Variants in DNM2 observed in about 807,000 individuals in gnomAD.
DNM2 encodes dynamin-2.
A neutral mutation model predicts 99.0 loss-of-function variants in DNM2; 15 were observed. The ratio of observed to expected loss-of-function variants is 0.15; its 90% CI spans 0.10 to 0.23. DNM2 has a LOEUF of 0.23. Ranked by LOEUF, DNM2 falls within the 10% of genes least tolerant of loss-of-function variation. The pLI is 1.00. For synonymous variants in DNM2, 525 were observed against 481.2 expected (o/e 1.09, Z -1.19); for missense variants, 742 against 1,189.4 (o/e 0.62, Z 5.53).
chr19:10,757,881 T>G (rs56177794), intron 1 of DNM2, among the ~76,000 whole-genome samples: 8,084 of 145,874 alleles, frequency 0.055, 369 homozygotes, highest in African/African-American at 0.12. Context: ...AGGCAGAGGT[T>G]GCAGTGAGTT....
intron 15 of DNM2, among the ~76,000 whole-genome samples, chr19:10,819,758 G>T (rs1190905111): frequency 1.3e-5 from 2 of 152,170 alleles, no homozygotes; most frequent in Non-Finnish European, 2.9e-5. Context: ...GAAGGCCCTG[G>T]GGTAGGAACC....
chr19:10,806,001 C>A (rs781582543), intron 13 of DNM2, 34 bp downstream of exon 13: 1 of 1,613,642 alleles, frequency 6.2e-7, no homozygotes, highest in Non-Finnish European at 8.5e-7. Flanking sequence ...CCGCTCTACC[C>A]TGGGGGCGGG....
At position 10,777,115 on chromosome 19, in the gene DNM2, C is replaced by A. The variant is rs775121861; in HGVS notation, c.590-3C>A. 2 of 1,614,052 alleles carry A rather than the reference C, an allele frequency of 1.2e-6. No homozygotes were observed. The highest frequency in any genetic ancestry group is 2.2e-5 in the South Asian group (2 of 91,084). On this transcript the variant is annotated splice_polypyrimidine_tract_variant and splice_region_variant and intron_variant, in intron 4 of 20. Coordinates refer to ENST00000389253, the MANE Select transcript of DNM2 (RefSeq NM_001005361.3). ...CTGACCTCTGACCTCTGGGCTCTTT[C>A]AGGCCTACGGACCATCGGTGTCATC...
At chr19:10,735,152 T>C (rs1165464749) in intron 1 of DNM2, among the ~76,000 whole-genome samples, 2 of 152,204 alleles carry the variant, frequency 1.3e-5, no homozygotes, top group Non-Finnish European at 2.9e-5. Flanking sequence ...CACGCCATTC[T>C]CCTGCCTCAG....
Position 10,787,979 on chromosome 19 carries a change from C to T in DNM2, c.992+1273C>T, listed in dbSNP as rs544806881. On this transcript the variant is annotated intron_variant, in intron 7 of 20. Coordinates refer to ENST00000389253, the MANE Select transcript of DNM2 (RefSeq NM_001005361.3). The stretch of plus-strand genomic sequence containing the variant: ...AGGGGTGGTGGCTTACGCCTGTAAT[C>T]CCAACATTTTGGGAGGCCGAGGCGG... Among the ~76,000 whole-genome samples, 25 of 152,076 alleles carry T rather than the reference C, an allele frequency of 1.6e-4. No homozygotes were observed. In the South Asian group the frequency reaches 5.2e-3, roughly 32 times the overall value.
intron 6 of DNM2, among the ~76,000 whole-genome samples, chr19:10,785,416 G>GC: frequency 6.6e-6 from 1 of 151,934 alleles, no homozygotes; most frequent in East Asian, 1.9e-4. Context: ...GTGAGCCACT[G>GC]CCCCCGGCCC....
At chr19:10,743,401 A>G (rs993493703) in intron 1 of DNM2, among the ~76,000 whole-genome samples, 5 of 151,488 alleles carry the variant, frequency 3.3e-5, no homozygotes, top group African/African-American at 1.2e-4. Context: ...GCGGCCAGGC[A>G]TGGTGGCTCA....
intron 1 of DNM2, among the ~76,000 whole-genome samples, chr19:10,747,189 G>A (rs961855588): frequency 6.6e-6 from 1 of 151,978 alleles, no homozygotes; most frequent in Non-Finnish European, 1.5e-5. Flanking sequence ...TGATTCGATG[G>A]GGCGAATGTT....
chr19:10,722,670 G>T (rs2068977866), intron 1 of DNM2, among the ~76,000 whole-genome samples: 1 of 151,632 alleles, frequency 6.6e-6, no homozygotes, highest in African/African-American at 2.4e-5. Flanking sequence ...CTGTCACCCA[G>T]GCTAGAGTGC....
intron 14 of DNM2, chr19:10,810,088 G>C (rs909346713): frequency 2.6e-5 from 4 of 152,270 alleles, no homozygotes; most frequent in Non-Finnish European, 5.9e-5. Context: ...CCCATCTGTG[G>C]TTCCCATCTC....
chr19:10,792,841 C>T (rs1252874972), intron 7 of DNM2, among the ~76,000 whole-genome samples: 2 of 152,078 alleles, frequency 1.3e-5, no homozygotes, highest in African/African-American at 4.8e-5. Context: ...CTCCTGGGCT[C>T]AGGTGATCTG....
chr19:10,805,767 C>T (rs137978516), intron 12 of DNM2, 149 bp from the exon 13 acceptor site: 17 of 924,096 alleles, frequency 1.8e-5, no homozygotes, highest in African/African-American at 1.1e-4. Flanking sequence ...GTTTCCCTTG[C>T]GCAGCTCTGT....
At chr19:10,802,123 T>C (rs1349905269) in intron 11 of DNM2, among the ~76,000 whole-genome samples, 165 bp from the exon 12 acceptor site, 1 of 152,022 alleles carries the variant, frequency 6.6e-6, no homozygotes, top group East Asian at 1.9e-4. Flanking sequence ...CAGGCTCTGT[T>C]GCCTATGAGG....
chr19:10,721,269 ACCTCAG>A (rs1426949050), intron 1 of DNM2, among the ~76,000 whole-genome samples: 1 of 151,862 alleles, frequency 6.6e-6, no homozygotes, highest in African/African-American at 2.4e-5. Context: ...CGATTCTCAT[ACCTCAG>A]CCTCCCGAGT....
rs970545811 is a variant in DNM2, at chr19:10,765,606, T to C, written c.235+5795T>C. Among the ~76,000 whole-genome samples the C allele has an allele frequency of 6.6e-6, 1 of 152,164 alleles. No homozygotes were observed. The highest frequency in any genetic ancestry group is 1.5e-5 in the Non-Finnish European group (1 of 68,020). ...GCAATTTGTCCTGGACTGGGAGATA[T>C]TTGCGTATTGCCTCGGATTAGAGAG... On this transcript the variant is annotated intron_variant, in intron 2 of 20. Transcript: ENST00000389253. The surrounding 1 kb of genome is among the most constrained non-coding windows in gnomAD (Gnocchi z 4.4).
intron 13 of DNM2, 79 bp from the exon 14 acceptor site, chr19:10,808,490 C>G: frequency 1.3e-6 from 2 of 1,505,940 alleles, no homozygotes; most frequent in East Asian, 4.6e-5. Context: ...TTCTTTGTCC[C>G]CTTCACGTCC....
chr19:10,795,898 G>T lies in DNM2; in HGVS notation c.1196+459G>T. On this transcript the variant is annotated intron_variant, in intron 9 of 20. Transcript: ENST00000389253. The surrounding 1 kb of genome is among the most constrained non-coding windows in gnomAD (Gnocchi z 4.2). The stretch of plus-strand genomic sequence containing the variant: ...CCCTTCCATCGCCGTGGGGTCCTCG[G>T]GTCACCCTGAGGGTTTCCGGGCAGT... 1 of 1,200,968 alleles carries T rather than the reference G, an allele frequency of 8.3e-7. No individual in the cohort carries two copies. 74.4% of individuals were successfully genotyped at this position (1,200,968 alleles called of 1,614,324 possible). A position where few individuals can be genotyped will look rare whatever the true frequency, so the allele number is the denominator to read the frequency against.
At chr19:10,829,481 G>A (rs1444396356) in intron 19 of DNM2, among the ~76,000 whole-genome samples, 2 of 152,188 alleles carry the variant, frequency 1.3e-5, no homozygotes, top group Non-Finnish European at 2.9e-5. Context: ...GCAGGACCCT[G>A]TGAATAAATA....
chr19:10,762,652 C>T (rs895699370), intron 2 of DNM2, among the ~76,000 whole-genome samples: 5 of 152,216 alleles, frequency 3.3e-5, no homozygotes, highest in Admixed American at 1.3e-4. Flanking sequence ...TGATGGGTTC[C>T]TGATGTCTGT....
Sources: allele counts gnomAD v4.1 joint callset (sites outside exome capture counted in the v4.1 genomes callset), GRCh38; gene constraint gnomAD v4.1.1; non-coding constraint Gnocchi (gnomAD v3.1); transcripts MANE v1.5; gene names NCBI Gene and HGNC (gene_info 2026-07-23, HGNC 2026-07-21).